The following TMEM161A variants were observed in gnomAD, a reference collection of about 807,000 sequenced individuals.
TMEM161A encodes transmembrane protein 161A, also known as adaptive response to oxidative stress protein 29.
TMEM161A carries 46 observed loss-of-function variants against 57.1 expected under a neutral mutation model. That is an observed-to-expected ratio of 0.81 (90% confidence interval 0.64 to 1.03). The LOEUF (loss-of-function observed/expected upper bound fraction) is 1.03, where lower values mean the gene tolerates loss of function less well. Among genes scored for constraint, TMEM161A ranks in the 50% least tolerant of loss-of-function variants. The probability of loss-of-function intolerance (pLI) is 0.00; values close to 1 mark genes in which losing one functional copy is unlikely to be tolerated. For missense variants in TMEM161A, 601 were observed against 621.5 expected (o/e 0.97, Z 0.35); for synonymous variants, 288 against 279.0 (o/e 1.03, Z -0.32).
intron 6 of TMEM161A, among the ~76,000 whole-genome samples, chr19:19,126,929 C>T (rs1481669628): frequency 2.6e-5 from 4 of 151,572 alleles, no homozygotes; most frequent in African/African-American, 4.8e-5. Flanking sequence ...AGCCTGTAGT[C>T]CCAGCTACTT....
At position 19,138,416 on chromosome 19, in the gene TMEM161A, G is replaced by A. The variant is rs550312635; in HGVS notation, c.3+10C>T. On this transcript the variant is annotated intron_variant, in intron 1 of 11. Coordinates refer to ENST00000162044, the MANE Select transcript of TMEM161A (RefSeq NM_017814.3). The stretch of plus-strand genomic sequence containing the variant: ...TGCAGAACCCCCCACTTCGCGGGAC[G>A]CTCGCTCACCATGACGCGTGCGAGA... 2 of 1,603,176 alleles carry A rather than the reference G, an allele frequency of 1.2e-6. No individual in the cohort carries two copies. The highest frequency in any genetic ancestry group is 1.6e-4 in the Middle Eastern group (1 of 6,072).
chr19:19,124,397 C>A (rs2059922509), intron 6 of TMEM161A, among the ~76,000 whole-genome samples: 1 of 152,100 alleles, frequency 6.6e-6, no homozygotes, highest in Admixed American at 6.6e-5. Context: ...ATATGTCCTT[C>A]AAGAAAACAA....
chr19:19,128,266 C>G (rs2059941058), intron 6 of TMEM161A, among the ~76,000 whole-genome samples: 1 of 136,678 alleles, frequency 7.3e-6, no homozygotes, highest in Non-Finnish European at 1.5e-5. Context: ...GACTCTTGCT[C>G]TGTCGCCCAG....
Position 19,132,436 on chromosome 19 carries a change from G to A in TMEM161A, c.359C>T (p.Thr120Ile). The A allele has an allele frequency of 2.5e-6, 4 of 1,614,166 alleles. No homozygotes were observed. In the South Asian group the frequency reaches 3.3e-5, roughly 13 times the overall value. The change falls in exon 5 of 12, where the codon ACA (threonine) becomes ATA (isoleucine). Residue 120 changes from threonine to isoleucine, a missense_variant. Thr to Ile is a moderately conservative substitution (Grantham distance 89). Coordinates refer to ENST00000162044, the MANE Select transcript of TMEM161A (RefSeq NM_017814.3). The surrounding 1 kb of genome is among the most constrained non-coding windows in gnomAD (Gnocchi z 4.3). ...AVYSGGVYLF[T>I]EAYYYMLGPA... ...TCCCAGCATGTAGTAGTAGGCCTCT[G>A]TGAAGAGGTACACGCCGCCCGAGTA...
rs2059976313 is a variant in TMEM161A at position 19,134,695 on chromosome 19, C to G, written c.107+89G>C. 31 of 975,050 alleles carry G rather than the reference C, an allele frequency of 3.2e-5. 1 individual carries two copies. In the South Asian group the frequency reaches 4.3e-4, roughly 14 times the overall value. The allele number at this position is 975,050 out of a possible 1,614,324, so 60.4% of individuals were successfully genotyped here. ...CCCCCCACCACCCACCAACCAAAATCAAGGCTTTGCAATTTGTGAGGCGGG... is the reference window on the plus strand; with the variant it reads ...CCCCCCACCACCCACCAACCAAAATGAAGGCTTTGCAATTTGTGAGGCGGG... On this transcript the variant is annotated intron_variant, in intron 2 of 11. Coordinates refer to ENST00000162044, the MANE Select transcript of TMEM161A (RefSeq NM_017814.3).
At position 19,121,851 on chromosome 19, in the gene TMEM161A, T is replaced by G. The variant is rs2059912841; in HGVS notation, c.596-32A>C. 2 of 1,611,444 alleles carry G rather than the reference T, an allele frequency of 1.2e-6. No homozygotes were observed. Among genetic ancestry groups the G allele is most frequent in the African/African-American group, 2.7e-5 (2 of 74,694 alleles). ...ACGATAAGAAGAGGACCGAGTAGAG[T>G]GAATTCCTAGGGTCTCTAAGGCCAC... On this transcript the variant is annotated intron_variant, in intron 6 of 11. Coordinates refer to ENST00000162044, the MANE Select transcript of TMEM161A (RefSeq NM_017814.3). This position sits in a 1 kb window ranked among gnomAD's most constrained non-coding sequence, Gnocchi z 5.8.
In TMEM161A at chr19:19,121,020, C is replaced by T. The variant is rs780846105; in HGVS notation, c.1061G>A (p.Arg354His). The T allele has an allele frequency of 5.0e-6, 8 of 1,608,526 alleles. No homozygotes were observed. Among genetic ancestry groups the T allele is most frequent in the South Asian group, 4.4e-5 (4 of 90,612 alleles). Residue 354 changes from arginine to histidine, a missense_variant, in exon 10 of 12, where the codon CGC (arginine) becomes CAC (histidine). Arg to His is a conservative substitution (Grantham distance 29). Transcript: ENST00000162044. This position sits in a 1 kb window ranked among gnomAD's most constrained non-coding sequence, Gnocchi z 5.8. ...CTGCTGGATTTCACGGGCTTCGATG[C>T]GGCCAGCCTCCCTTCGCAGCTGCTC... ...RVEQLRREAG[R>H]IEAREIQQRV...
At chr19:19,120,684 C>CG in intron 11 of TMEM161A, 81 bp downstream of exon 11, 2 of 1,339,452 alleles carry the variant, frequency 1.5e-6, no homozygotes, top group South Asian at 1.2e-5. Context: ...CCCCCCACCG[C>CG]GGTCCCCGCC....
intron 1 of TMEM161A, among the ~76,000 whole-genome samples, chr19:19,136,977 G>A (rs749975125): frequency 1.8e-5 from 2 of 110,328 alleles, no homozygotes; most frequent in East Asian, 3.1e-4. Flanking sequence ...CTCTCTCTCC[G>A]ACCTCTCTCC....
Position 19,138,440 on chromosome 19 carries a change from G to T in TMEM161A, c.-12C>A, listed in dbSNP as rs1367671062. The T allele has an allele frequency of 2.5e-6, 4 of 1,601,922 alleles. No homozygotes were observed. The East Asian group carries it at 9.1e-5, about 36-fold the overall frequency. Reference sequence around the variant, plus strand: ...CGCTCGCTCACCATGACGCGTGCGAGAACGCGGTGCACTCACCCACCGGCC... The same window carrying T: ...CGCTCGCTCACCATGACGCGTGCGATAACGCGGTGCACTCACCCACCGGCC... On this transcript the variant is annotated 5_prime_UTR_variant, in exon 1 of 12. Coordinates refer to ENST00000162044, the MANE Select transcript of TMEM161A (RefSeq NM_017814.3).
At chr19:19,137,276 C>T (rs778058517) in intron 1 of TMEM161A, among the ~76,000 whole-genome samples, 1 of 152,132 alleles carries the variant, frequency 6.6e-6, no homozygotes, top group Non-Finnish European at 1.5e-5. Context: ...TGCACCCAAC[C>T]ACTGGAGTCT....
chr19:19,129,042 C>G (rs1041759630), intron 6 of TMEM161A, among the ~76,000 whole-genome samples: 1 of 152,092 alleles, frequency 6.6e-6, no homozygotes, highest in Admixed American at 6.6e-5. Context: ...GCTCAACTTC[C>G]CTGGTAATCA....
chr19:19,131,542 G>T (rs2059958978), intron 5 of TMEM161A, among the ~76,000 whole-genome samples: 1 of 151,660 alleles, frequency 6.6e-6, no homozygotes. Context: ...AATTTTTTGG[G>T]GGGATGTAGT....
intron 5 of TMEM161A, 106 bp from the exon 6 acceptor site, chr19:19,130,413 C>T: frequency 7.0e-7 from 1 of 1,426,474 alleles, no homozygotes; most frequent in Non-Finnish European, 9.7e-7. Context: ...CACTGCTGCA[C>T]AAATAGGCCT....
chr19:19,121,072 A>G lies in TMEM161A; in HGVS notation c.1009T>C (p.Tyr337His), dbSNP rs961348781. The G allele has an allele frequency of 9.9e-6, 16 of 1,612,024 alleles. No individual in the cohort carries two copies. The highest frequency in any genetic ancestry group is 1.7e-5 in the Admixed American group (1 of 59,990). ...LAVTRPHLQA[Y>H]LCLAKARVEQ... Reference sequence around the variant, plus strand: ...ACCCGGGCCTTGGCCAGGCACAGGTAGGCCTGCAGGTGGGGCCGGGTCACC... The same window carrying G: ...ACCCGGGCCTTGGCCAGGCACAGGTGGGCCTGCAGGTGGGGCCGGGTCACC... Residue 337 changes from tyrosine (Y) to histidine (H), a missense_variant, in exon 10 of 12, where the codon TAC becomes CAC. Physicochemically the swap from Tyr to His is moderately conservative, Grantham distance 83. Transcript: ENST00000162044. The surrounding 1 kb of genome is among the most constrained non-coding windows in gnomAD (Gnocchi z 5.8).
Position 19,130,026 on chromosome 19 carries a change from G to A in TMEM161A, c.595+130C>T, listed in dbSNP as rs933989639. The A allele has an allele frequency of 3.8e-5, 38 of 1,013,280 alleles. No individual in the cohort carries two copies. The African/African-American group carries it at 5.6e-4, about 15-fold the overall frequency. The allele number at this position is 1,013,280 out of a possible 1,614,324, so 62.8% of individuals were successfully genotyped here. ...CAGGAGCTGAGATGGTCACTAATGG[G>A]GACTGCCTTCACCCCAGGAGCCCAC... On this transcript the variant is annotated intron_variant, in intron 6 of 11. Coordinates refer to ENST00000162044, the MANE Select transcript of TMEM161A (RefSeq NM_017814.3).
Position 19,121,114 on chromosome 19 carries a change from ACAGCACCAC to A in TMEM161A, c.958_966del (p.Val320_Leu322del). 6.2e-7 allele frequency: 1 copy of A among 1,611,556 alleles called. No individual in the cohort carries two copies. Among genetic ancestry groups the A allele is most frequent in the South Asian group, 1.1e-5 (1 of 90,948 alleles). On this transcript the variant is annotated inframe_deletion, in exon 10 of 12. Coordinates refer to ENST00000162044, the MANE Select transcript of TMEM161A (RefSeq NM_017814.3). This position sits in a 1 kb window ranked among gnomAD's most constrained non-coding sequence, Gnocchi z 5.8. ...CGGGTCACCGCCAGCCGCAGCAGGCACAGCACCACCAGCAACCAGAGGCGCCCAGAGTCG... is the reference window on the plus strand; with the variant it reads ...CGGGTCACCGCCAGCCGCAGCAGGCACAGCAACCAGAGGCGCCCAGAGTCG...
At chr19:19,120,662 C>T in intron 11 of TMEM161A, 103 bp downstream of exon 11, 1 of 1,041,264 alleles carries the variant, frequency 9.6e-7, no homozygotes, top group African/African-American at 1.6e-5. Flanking sequence ...CCTGCCTAGG[C>T]CCCGCCTCTC....
At chr19:19,129,865 A>C (rs2059948768) in intron 6 of TMEM161A, among the ~76,000 whole-genome samples, 1 of 151,990 alleles carries the variant, frequency 6.6e-6, no homozygotes, top group African/African-American at 2.4e-5. Context: ...AGATCATGCC[A>C]CTGAACTCCT....
Sources: allele counts gnomAD v4.1 joint callset (sites outside exome capture counted in the v4.1 genomes callset), GRCh38; gene constraint gnomAD v4.1.1; non-coding constraint Gnocchi (gnomAD v3.1); transcripts MANE v1.5; gene names NCBI Gene and HGNC (gene_info 2026-07-23, HGNC 2026-07-21).